ZNF487: variants seen among roughly 807,000 people sequenced by gnomAD.
ZNF487 encodes the protein zinc finger protein 487, also known as KRAB domain only 1.
Under a neutral mutation model 3.0 loss-of-function variants are expected in ZNF487, and 4 were observed. That is an observed-to-expected ratio of 1.35 (90% CI 0.66 to 3.08). The LOEUF (loss-of-function observed/expected upper bound fraction) is 3.08, where lower values mean the gene tolerates loss of function less well. ZNF487 is among the 30% of genes most tolerant of loss of function. The pLI is 0.01. For missense variants in ZNF487, 146 were observed against 98.7 expected, an observed-to-expected ratio of 1.48 and a Z score of -2.03; for synonymous variants, 55 against 34.6, an observed-to-expected ratio of 1.59 and a Z score of -2.06.
intron 1 of ZNF487, among the ~76,000 whole-genome samples, chr10:43,471,722 G>A (rs1229791166): frequency 6.6e-6 from 1 of 152,142 alleles, no homozygotes; most frequent in Non-Finnish European, 1.5e-5. Flanking sequence ...AAGTCAAATT[G>A]TCTCTCTCTG....
chr10:43,452,655 C>T (rs367641040), intron 1 of ZNF487: 1 of 152,190 alleles, frequency 6.6e-6, no homozygotes, highest in African/African-American at 2.4e-5. Context: ...GCCATTGCAC[C>T]CAGCCTTAAG....
At chr10:43,465,180 CG>C (rs1254693986) in intron 1 of ZNF487, among the ~76,000 whole-genome samples, 2 of 141,152 alleles carry the variant, frequency 1.4e-5, no homozygotes, top group African/African-American at 5.3e-5. Flanking sequence ...GGCGGCTGGC[CG>C]GGCGGGGGGC....
chr10:43,482,669 TA>T lies in ZNF487; in HGVS notation c.*749del. Reference sequence around the variant, plus strand: ...ATACTGGCGAGAAACCCTATGAGTGTAAGGAATGTGGGAAAACTTTCTCCCA... The same window carrying T: ...ATACTGGCGAGAAACCCTATGAGTGTAGGAATGTGGGAAAACTTTCTCCCA... On this transcript the variant is annotated 3_prime_UTR_variant, in exon 4 of 4. Coordinates refer to ENST00000437590, the MANE Select transcript of ZNF487 (RefSeq NM_001355444.3). 1 of 483,304 alleles carries T rather than the reference TA, an allele frequency of 2.1e-6. No individual in the cohort carries two copies. The highest frequency in any genetic ancestry group is 2.3e-5 in the Admixed American group (1 of 43,432). The allele number at this position is 483,304 out of a possible 1,614,324, so 29.9% of individuals were successfully genotyped here.
chr10:43,477,056 C>A (rs959048975), intron 3 of ZNF487, among the ~76,000 whole-genome samples: 2 of 151,854 alleles, frequency 1.3e-5, no homozygotes, highest in Non-Finnish European at 2.9e-5. Flanking sequence ...AACAAATATT[C>A]TTTGTATAAA....
chr10:43,462,582 A>G (rs958055716), intron 1 of ZNF487, among the ~76,000 whole-genome samples: 4 of 149,782 alleles, frequency 2.7e-5, no homozygotes, highest in African/African-American at 9.9e-5. Context: ...CAGCCTCCTG[A>G]GTAGCTGGGA....
the ZNF487 span, among the ~76,000 whole-genome samples, chr10:43,515,487 A>G: frequency 6.6e-6 from 1 of 152,300 alleles, no homozygotes; most frequent in South Asian, 2.1e-4. Flanking sequence ...GATTCATCAG[A>G]GTTTACAAAC....
At chr10:43,517,270 A>C in the ZNF487 span, among the ~76,000 whole-genome samples, 3 of 152,260 alleles carry the variant, frequency 2.0e-5, no homozygotes, top group Non-Finnish European at 4.4e-5. Flanking sequence ...TGACTTTCTC[A>C]GTACACACAA....
the ZNF487 span, among the ~76,000 whole-genome samples, chr10:43,519,799 G>A: frequency 2.0e-5 from 3 of 152,074 alleles, no homozygotes; most frequent in Non-Finnish European, 4.4e-5. Context: ...CTCACGTGTG[G>A]CCACATTTAG....
the ZNF487 span, among the ~76,000 whole-genome samples, chr10:43,494,456 T>C: frequency 6.6e-6 from 1 of 152,134 alleles, no homozygotes; most frequent in African/African-American, 2.4e-5. Flanking sequence ...ATGTGGGTGG[T>C]CATCCTGCCC....
chr10:43,446,606 G>A (rs1041868887), intron 1 of ZNF487, among the ~76,000 whole-genome samples: 1 of 150,974 alleles, frequency 6.6e-6, no homozygotes, highest in African/African-American at 2.4e-5. Context: ...GGGCGGCCGG[G>A]CAGGGGCGCT....
chr10:43,506,760 G>A, the ZNF487 span, among the ~76,000 whole-genome samples: 1 of 152,156 alleles, frequency 6.6e-6, no homozygotes, highest in Non-Finnish European at 1.5e-5. Context: ...GTAAGTACAA[G>A]TGACTGATAA....
Position 43,454,907 on chromosome 10 carries a change from C to A in ZNF487, c.-94+17645C>A, listed in dbSNP as rs558377278. 1.2e-4 allele frequency among the ~76,000 whole-genome samples: 16 copies of A among 137,766 alleles called. 1 individual carries two copies. In the South Asian group the frequency reaches 3.6e-3, roughly 31 times the overall value. The allele number at this position is 137,766 out of a possible 152,430, so 90.4% of individuals were successfully genotyped here. On this transcript the variant is annotated intron_variant, in intron 1 of 3. Coordinates refer to ENST00000437590, the MANE Select transcript of ZNF487 (RefSeq NM_001355444.3). The stretch of plus-strand genomic sequence containing the variant: ...GAGCCGTGACTGCGCCACTACACTC[C>A]AGCCTGGGCAACAGAGCCAGACCTT...
the ZNF487 span, among the ~76,000 whole-genome samples, chr10:43,517,235 C>T: frequency 6.6e-6 from 1 of 152,246 alleles, no homozygotes; most frequent in South Asian, 2.1e-4. Flanking sequence ...CCATTTCATC[C>T]CTGACACCAT....
intron 1 of ZNF487, among the ~76,000 whole-genome samples, chr10:43,455,687 T>C (rs1376169814): frequency 6.6e-6 from 1 of 151,592 alleles, no homozygotes; most frequent in Non-Finnish European, 1.5e-5. Context: ...TTTCCGAGAG[T>C]GGCAGGGCTG....
chr10:43,465,665 G>A (rs1160216431), intron 1 of ZNF487, among the ~76,000 whole-genome samples: 110 of 151,424 alleles, frequency 7.3e-4, no homozygotes, highest in African/African-American at 2.6e-3. Flanking sequence ...CTTCCTAGAT[G>A]GGATGGCGGG....
Position 43,483,080 on chromosome 10 carries a change from C to G in ZNF487, c.*1158C>G, listed in dbSNP as rs769400037. On this transcript the variant is annotated 3_prime_UTR_variant, in exon 4 of 4. Coordinates refer to ENST00000437590, the MANE Select transcript of ZNF487 (RefSeq NM_001355444.3). ...ACATAGAGGAAACCCTTGTCAACAT[C>G]CTGAAGGCTCAGAAACCTTCACCTT... 2.2e-6 allele frequency: 1 copy of G among 457,280 alleles called. No individual in the cohort carries two copies. Among genetic ancestry groups the G allele is most frequent in the South Asian group, 1.5e-5 (1 of 64,604 alleles). 28.3% of individuals were successfully genotyped at this position (457,280 alleles called of 1,614,324 possible).
chr10:43,455,527 G>A (rs1009759305), intron 1 of ZNF487, among the ~76,000 whole-genome samples: 1 of 152,240 alleles, frequency 6.6e-6, no homozygotes, highest in Non-Finnish European at 1.5e-5. Flanking sequence ...CCGGGTCAAC[G>A]CCTGACGCGC....
At chr10:43,446,638 C>T (rs940629452) in intron 1 of ZNF487, among the ~76,000 whole-genome samples, 16 of 150,016 alleles carry the variant, frequency 1.1e-4, no homozygotes, top group African/African-American at 3.0e-4. Context: ...AGACGATGGG[C>T]GCCCGGGCAG....
chr10:43,480,606 G>C (rs1841313938), intron 3 of ZNF487, among the ~76,000 whole-genome samples: 1 of 151,836 alleles, frequency 6.6e-6, no homozygotes, highest in Non-Finnish European at 1.5e-5. Context: ...AGTAGAGATG[G>C]GGTTTTGCCA....
Sources: allele counts gnomAD v4.1 joint callset (sites outside exome capture counted in the v4.1 genomes callset), GRCh38; gene constraint gnomAD v4.1.1; transcripts MANE v1.5; gene names NCBI Gene and HGNC (gene_info 2026-07-23, HGNC 2026-07-21).